Variants in PARD3 observed in about 807,000 individuals in gnomAD.
PARD3 encodes par-3 family cell polarity regulator, also known as partitioning defective 3 homolog.
Under a neutral mutation model 155.4 loss-of-function variants are expected in PARD3, and 75 were observed. The ratio of observed to expected loss-of-function variants is 0.48; its 90% CI spans 0.40 to 0.58. PARD3 has a LOEUF of 0.58. PARD3 is among the 20% of genes least tolerant of loss of function. The pLI, the probability that PARD3 is intolerant of heterozygous loss-of-function variation, is 0.00. For synonymous variants in PARD3, 576 were observed against 610.5 expected (o/e 0.94, Z 0.83); for missense variants, 1,642 against 1,721.7 (o/e 0.95, Z 0.82).
intron 5 of PARD3, among the ~76,000 whole-genome samples, chr10:34,443,058 A>T (rs2076550243): frequency 6.6e-6 from 1 of 152,066 alleles, no homozygotes; most frequent in Admixed American, 6.6e-5. Context: ...ATCAGTGGAA[A>T]AAAAACAACT....
intron 2 of PARD3, among the ~76,000 whole-genome samples, chr10:34,539,964 C>T (rs1023329191): frequency 7.9e-5 from 12 of 152,294 alleles, no homozygotes; most frequent in African/African-American, 2.2e-4. Context: ...TGAAACCATA[C>T]GCGACTACCT....
At chr10:34,804,297 A>G (rs1384658675) in intron 1 of PARD3, among the ~76,000 whole-genome samples, 1 of 152,180 alleles carries the variant, frequency 6.6e-6, no homozygotes, top group African/African-American at 2.4e-5. Flanking sequence ...TTGGCCTCCC[A>G]AAGTGCTGGG....
chr10:34,685,740 C>T (rs2477004), intron 2 of PARD3, among the ~76,000 whole-genome samples: 92,346 of 151,784 alleles, frequency 0.61, 29,021 homozygotes, highest in Non-Finnish European at 0.67. Context: ...ACGACAGGCG[C>T]GCATGACCAA....
chr10:34,789,740 T>C (rs1841421039), intron 1 of PARD3, among the ~76,000 whole-genome samples: 1 of 130,144 alleles, frequency 7.7e-6, no homozygotes, highest in Admixed American at 7.5e-5. Flanking sequence ...TTTGTATTTA[T>C]ATATACACAA....
Position 34,111,341 on chromosome 10 carries a change from T to C in PARD3, c.3890A>G (p.Lys1297Arg), listed in dbSNP as rs1442330263. ...GCTGGGCCCCTCGGAAGGAGGCTGCTTCTTCATCTGCTGCTCCTTCCGCCT... is the reference window on the plus strand; with the variant it reads ...GCTGGGCCCCTCGGAAGGAGGCTGCCTCTTCATCTGCTGCTCCTTCCGCCT... ...EQRRKEQQMK[K>R]QPPSEGPSNY... Residue 1297 changes from lysine to arginine, a missense_variant, in exon 25 of 25, where the codon AAG (lysine) becomes AGG (arginine). Physicochemically the swap from Lys to Arg is conservative, Grantham distance 26. Coordinates refer to ENST00000374788, the MANE Select transcript of PARD3 (RefSeq NM_001184785.2). 6.2e-7 allele frequency: 1 copy of C among 1,613,988 alleles called. No homozygotes were observed. Among genetic ancestry groups the C allele is most frequent in the Admixed American group, 1.7e-5 (1 of 60,022 alleles).
intron 22 of PARD3, among the ~76,000 whole-genome samples, chr10:34,245,270 G>C (rs1953869960): frequency 6.6e-6 from 1 of 152,184 alleles, no homozygotes; most frequent in Non-Finnish European, 1.5e-5. Flanking sequence ...CTGATGAGAA[G>C]GCATACGTAA....
At chr10:34,664,816 T>G (rs928479533) in intron 2 of PARD3, among the ~76,000 whole-genome samples, 1 of 152,124 alleles carries the variant, frequency 6.6e-6, no homozygotes, top group South Asian at 2.1e-4. Flanking sequence ...AAATTAGCAA[T>G]TGCTACAGTC....
At chr10:34,233,017 ATTTTT>A (rs3039283) in intron 22 of PARD3, among the ~76,000 whole-genome samples, 15 of 96,172 alleles carry the variant, frequency 1.6e-4, no homozygotes, top group African/African-American at 3.1e-4. Flanking sequence ...TCAAATGTTA[ATTTTT>A]TTTTTTTTTT....
chr10:34,261,765 G>A (rs60452107), intron 22 of PARD3, among the ~76,000 whole-genome samples: 81,939 of 130,224 alleles, frequency 0.63, 25,039 homozygotes, highest in African/African-American at 0.79. Flanking sequence ...AGAAAGGAAG[G>A]AAGGAAGAAA....
At chr10:34,363,938 T>C (rs1839708308) in intron 12 of PARD3, among the ~76,000 whole-genome samples, 1 of 152,174 alleles carries the variant, frequency 6.6e-6, no homozygotes, top group Non-Finnish European at 1.5e-5. Flanking sequence ...TGAATGGGTA[T>C]TGTGAAAGCT....
chr10:34,362,788 ACAT>A (rs1467762584), intron 12 of PARD3, among the ~76,000 whole-genome samples: 2 of 152,228 alleles, frequency 1.3e-5, no homozygotes, highest in Non-Finnish European at 2.9e-5. Context: ...GCCCCTTGAA[ACAT>A]TTACAGAGTA....
chr10:34,702,676 C>G (rs577056977), intron 1 of PARD3, among the ~76,000 whole-genome samples: 4 of 152,326 alleles, frequency 2.6e-5, no homozygotes, highest in South Asian at 2.1e-4. Context: ...GCTTATCCCC[C>G]CAAGGCTAGA....
intron 5 of PARD3, among the ~76,000 whole-genome samples, chr10:34,424,648 G>A (rs900012516): frequency 6.6e-6 from 1 of 152,180 alleles, no homozygotes; most frequent in African/African-American, 2.4e-5. Context: ...AGCAGAGGCT[G>A]GGACTACAGG....
intron 15 of PARD3, chr10:34,344,621 A>C: frequency 1.0e-6 from 1 of 985,276 alleles, no homozygotes; most frequent in African/African-American, 1.7e-5. Flanking sequence ...AGAGAGACCA[A>C]CCATTAGAAA....
intron 22 of PARD3, among the ~76,000 whole-genome samples, chr10:34,138,743 C>T (rs1948030945): frequency 6.6e-6 from 1 of 152,116 alleles, no homozygotes; most frequent in Non-Finnish European, 1.5e-5. Context: ...TATCATTTGG[C>T]CATTTTCTTT....
Position 34,450,378 on chromosome 10 carries a change from G to A in PARD3, c.653C>T (p.Ala218Val), listed in dbSNP as rs773045222. 1 of 1,613,054 alleles carries A rather than the reference G, an allele frequency of 6.2e-7. No individual in the cohort carries two copies. The highest frequency in any genetic ancestry group is 2.2e-5 in the East Asian group (1 of 44,870). Residue 218 changes from alanine to valine, a missense_variant, in exon 5 of 25, where the codon GCT (alanine) becomes GTT (valine). Ala to Val is a moderately conservative substitution (Grantham distance 64). Around this residue, in one of 3 missense-constraint regions of PARD3, gnomAD observed 1,529 missense variants for 1,587.3 expected, o/e 0.96. Transcript: ENST00000374788. The part of the protein sequence containing the change: ...NWSNQFQRDN[A>V]RSSLSASHPM... ...GTGACTGGCACTCAGAGACGAGCGA[G>A]CATTGTCTCTCTGAAATTGGTTAGA... is the stretch of plus-strand genomic sequence containing the variant.
intron 1 of PARD3, among the ~76,000 whole-genome samples, chr10:34,789,186 G>A (rs1030985964): frequency 6.6e-6 from 1 of 152,160 alleles, no homozygotes; most frequent in Non-Finnish European, 1.5e-5. Flanking sequence ...CAGCACTACT[G>A]GAGGCCAAGG....
intron 24 of PARD3, among the ~76,000 whole-genome samples, chr10:34,117,747 C>T (rs955876779): frequency 4.6e-5 from 7 of 152,104 alleles, no homozygotes; most frequent in African/African-American, 1.7e-4. Context: ...CCCTTCTCTA[C>T]TAAAGATACA....
In PARD3 at chr10:34,111,222, C is replaced by T. The variant is rs756860827; in HGVS notation, c.4009G>A (p.Ala1337Thr). ...QDVPPSPSQV[A>T]RLNRLQTPEK... ...GGAGTCTGAAGTCTGTTCAGCCTCG[C>T]AACCTGAGAAGGGGAGGGGGGCACA... Residue 1337 changes from alanine (A) to threonine (T), a missense_variant, in exon 25 of 25, where the codon GCG becomes ACG. This residue lies in a region of PARD3 where 1,529 missense variants were observed against 1,587.3 expected (regional missense o/e 0.96). Coordinates refer to ENST00000374788, the MANE Select transcript of PARD3 (RefSeq NM_001184785.2). 3.7e-6 allele frequency: 6 copies of T among 1,607,270 alleles called. No homozygotes were observed. The highest frequency in any genetic ancestry group is 5.1e-6 in the Non-Finnish European group (6 of 1,175,004).
Sources: allele counts gnomAD v4.1 joint callset (sites outside exome capture counted in the v4.1 genomes callset), GRCh38; gene constraint gnomAD v4.1.1; regional missense constraint gnomAD v4.1.1; transcripts MANE v1.5; gene names NCBI Gene and HGNC (gene_info 2026-07-23, HGNC 2026-07-21).